MARS1: variants seen among roughly 807,000 people sequenced by gnomAD.
The protein encoded by MARS1 is methionine--tRNA ligase, cytoplasmic.
Under a neutral mutation model 119.5 loss-of-function variants are expected in MARS1, and 80 were observed. The ratio of observed to expected loss-of-function variants is 0.67; its 90% CI spans 0.56 to 0.81. The LOEUF is 0.81. MARS1 is among the 30% of genes least tolerant of loss of function. The probability of loss-of-function intolerance (pLI) is 0.00; values close to 1 mark genes in which losing one functional copy is unlikely to be tolerated. For missense variants in MARS1, 945 were observed against 1,116.5 expected, an observed-to-expected ratio of 0.85 and a Z score of 2.19; for synonymous variants, 418 against 433.4, an observed-to-expected ratio of 0.96 and a Z score of 0.44.
intron 7 of MARS1, among the ~76,000 whole-genome samples, chr12:57,494,328 C>CTTTTTTTTTTT (rs71448526): frequency 8.2e-6 from 1 of 121,228 alleles, no homozygotes. Context: ...TCTTTTTTTT[C>CTTTTTTTTTTT]TTTTTTTTTT....
At chr12:57,505,551 C>T (rs988487995) in intron 11 of MARS1, among the ~76,000 whole-genome samples, 1 of 152,144 alleles carries the variant, frequency 6.6e-6, no homozygotes, top group African/African-American at 2.4e-5. Flanking sequence ...CTTATCATGC[C>T]TGTAATCCTA....
chr12:57,500,486 C>T lies in MARS1; in HGVS notation c.1257C>T (p.Asp419=). The change falls in exon 10 of 21, where the codon GAC becomes GAT. Residue 419 remains aspartate, a synonymous_variant. Coordinates refer to ENST00000262027, the MANE Select transcript of MARS1 (RefSeq NM_004990.4). ...AGGAGGCTCGGGGTGACCAGTGTGA[C>T]AAGTGTGGCAAGCTCATCAATGCTG... is the stretch of plus-strand genomic sequence containing the variant. The part of the protein sequence containing the change: ...GYEEARGDQC[D]KCGKLINAVE... 1 of 1,614,132 alleles carries T rather than the reference C, an allele frequency of 6.2e-7. No individual in the cohort carries two copies.
At chr12:57,493,924 A>ATATATAT (rs796670045) in intron 7 of MARS1, among the ~76,000 whole-genome samples, 1 of 63,732 alleles carries the variant, frequency 1.6e-5, no homozygotes, top group African/African-American at 7.3e-5. Flanking sequence ...AATATATATA[A>ATATATAT]TATATATTAT....
Position 57,489,253 on chromosome 12 carries a change from C to T in MARS1, c.201-14C>T. On this transcript the variant is annotated splice_polypyrimidine_tract_variant and intron_variant, in intron 2 of 20. Transcript: ENST00000262027. ...CCCTCTAAGTCCATCATCTGTTGCT[C>T]TCTCTCTGGGCAGATATTTTTTTTT... 6.2e-7 allele frequency: 1 copy of T among 1,613,482 alleles called. No individual in the cohort carries two copies. Among genetic ancestry groups the T allele is most frequent in the Non-Finnish European group, 8.5e-7 (1 of 1,179,844 alleles).
At chr12:57,493,301 T>C (rs1439103550) in intron 7 of MARS1, among the ~76,000 whole-genome samples, 1 of 111,052 alleles carries the variant, frequency 9.0e-6, no homozygotes, top group African/African-American at 3.6e-5. Context: ...AGTATATATA[T>C]ATAATATATA....
chr12:57,502,778 C>A (rs943740604), intron 10 of MARS1, among the ~76,000 whole-genome samples: 1 of 149,002 alleles, frequency 6.7e-6, no homozygotes, highest in South Asian at 2.1e-4. Flanking sequence ...CTGTAGTCCG[C>A]GCACTTTGGG....
At chr12:57,512,403 T>A (rs1343158681) in intron 14 of MARS1, 50 bp downstream of exon 14, 4 of 1,303,714 alleles carry the variant, frequency 3.1e-6, no homozygotes, top group African/African-American at 1.5e-5. Flanking sequence ...AAATGAGGGG[T>A]GAGGCAGTAC....
chr12:57,499,601 CAAAA>C (rs753629572), intron 9 of MARS1, among the ~76,000 whole-genome samples: 3 of 67,428 alleles, frequency 4.4e-5, no homozygotes, highest in Non-Finnish European at 5.7e-5. Context: ...GAGACTGTCT[CAAAA>C]AAAAAAAAAA....
chr12:57,498,769 G>C (rs1323107636), intron 9 of MARS1, 146 bp downstream of exon 9: 9 of 731,834 alleles, frequency 1.2e-5, no homozygotes, highest in Admixed American at 1.1e-4. Flanking sequence ...AGTTATCCAG[G>C]CATTTTTGAG....
rs1876211181 is a variant in MARS1, at chr12:57,493,529, TA to T, written c.770+2887del. 3.3e-4 allele frequency among the ~76,000 whole-genome samples: 4 copies of T among 12,188 alleles called. 1 individual carries two copies. The highest frequency in any genetic ancestry group is 4.0e-3 in the South Asian group (1 of 250). 8.0% of individuals were successfully genotyped at this position (12,188 alleles called of 152,430 possible). A position where few individuals can be genotyped will look rare whatever the true frequency, so the allele number is the denominator to read the frequency against. On this transcript the variant is annotated intron_variant, in intron 7 of 20. Coordinates refer to ENST00000262027, the MANE Select transcript of MARS1 (RefSeq NM_004990.4). Reference sequence around the variant, plus strand: ...ATAATATATAATATATAATATATTATAATATATAATATATTATAATATATAA... The same window carrying T: ...ATAATATATAATATATAATATATTATATATATAATATATTATAATATATAA...
chr12:57,491,409 C>A (rs967751587), intron 7 of MARS1, among the ~76,000 whole-genome samples: 1 of 152,202 alleles, frequency 6.6e-6, no homozygotes, highest in Non-Finnish European at 1.5e-5. Flanking sequence ...ACCTAAAAAT[C>A]CAAGCCAGAA....
chr12:57,497,691 G>A (rs988076357), intron 7 of MARS1, among the ~76,000 whole-genome samples: 2 of 152,078 alleles, frequency 1.3e-5, no homozygotes, highest in African/African-American at 4.8e-5. Context: ...GACTTGTTAC[G>A]GGTCGTATCT....
chr12:57,512,473 TAATTA>T, intron 14 of MARS1, 120 bp downstream of exon 14: 1 of 764,992 alleles, frequency 1.3e-6, no homozygotes. Flanking sequence ...AAATAGGAAA[TAATTA>T]AAATGAGAAC....
rs1876748489 is a variant in MARS1, at chr12:57,498,422, A to G, written c.890A>G (p.Tyr297Cys). Residue 297 changes from tyrosine to cysteine, a missense_variant and splice_region_variant, in exon 9 of 21, where the codon TAC becomes TGC. Transcript: ENST00000262027. ...GCGATCACCATATTCCCTTGCAGGT[A>G]CTCTCGCCTCCGCCAGTGGAACACC... ...CVLSADVFAR[Y>C]SRLRQWNTLY... The G allele has an allele frequency of 6.2e-7, 1 of 1,613,266 alleles. No homozygotes were observed.
At chr12:57,488,814 C>A in intron 1 of MARS1, 1 of 820,134 alleles carries the variant, frequency 1.2e-6, no homozygotes. Flanking sequence ...TTGCTTCCAG[C>A]TGGCAGTTTC....
At position 57,489,045 on chromosome 12, in the gene MARS1, C is replaced by G; in HGVS notation, c.136C>G (p.Pro46Ala). The change falls in exon 2 of 21, where the codon CCT (proline) becomes GCT (alanine). Residue 46 changes from proline to alanine, a missense_variant. Transcript: ENST00000262027. ...EDCVVPFLTR[P>A]KVPVLQLDSG... ...TTGTGTGGTCCCGTTCCTGACCCGG[C>G]CTAAGGTCCCTGTCTTGCAGCTGGA... 6.2e-7 allele frequency: 1 copy of G among 1,614,008 alleles called. No individual in the cohort carries two copies. Among genetic ancestry groups the G allele is most frequent in the South Asian group, 1.1e-5 (1 of 91,082 alleles).
Position 57,498,420 on chromosome 12 carries a change from G to A in MARS1, c.888G>A (p.Arg296=). The A allele has an allele frequency of 6.2e-7, 1 of 1,613,458 alleles. No individual in the cohort carries two copies. Among genetic ancestry groups the A allele is most frequent in the South Asian group, 1.1e-5 (1 of 91,038 alleles). Residue 296 remains arginine (R), a splice_region_variant and synonymous_variant, in exon 9 of 21, where the codon AGG becomes AGA. Transcript: ENST00000262027. ...TAGCGATCACCATATTCCCTTGCAGGTACTCTCGCCTCCGCCAGTGGAACA... is the reference window on the plus strand; with the variant it reads ...TAGCGATCACCATATTCCCTTGCAGATACTCTCGCCTCCGCCAGTGGAACA... ...GCVLSADVFA[R]YSRLRQWNTL...
rs367773732 is a variant in MARS1, at chr12:57,492,414, T to C, written c.770+1770T>C. On this transcript the variant is annotated intron_variant, in intron 7 of 20. Transcript: ENST00000262027. ...GGCCAGGTGCGGTGGCTCATGCCTG[T>C]AATCCTAGCACTTTGGGAGGCCAAG... Among the ~76,000 whole-genome samples, 26 of 152,086 alleles carry C rather than the reference T, an allele frequency of 1.7e-4. No homozygotes were observed. In the East Asian group the frequency reaches 3.1e-3, roughly 18 times the overall value.
At chr12:57,488,714 A>G (rs1875669488) in intron 1 of MARS1, 2 of 1,439,296 alleles carry the variant, frequency 1.4e-6, no homozygotes, top group Admixed American at 3.9e-5. Flanking sequence ...CCTTCAGATA[A>G]TTATGAAGAT....
Sources: gnomAD v4.1 joint callset for allele counts (sites outside exome capture counted in the v4.1 genomes callset) on GRCh38, gnomAD v4.1.1 for gene constraint, MANE v1.5 for transcripts, NCBI Gene and HGNC (gene_info 2026-07-23, HGNC 2026-07-21) for gene names.